The following LRRC63 variants were observed in gnomAD, a reference collection of about 807,000 sequenced individuals.
The protein encoded by LRRC63 is leucine-rich repeat-containing protein 63.
A neutral mutation model predicts 49.5 loss-of-function variants in LRRC63; 40 were observed. The observed-to-expected ratio is 0.81, with a 90% CI of 0.63 to 1.05. LRRC63 has a LOEUF of 1.05. LRRC63 is among the 50% of genes least tolerant of loss of function. LRRC63 has a pLI of 0.00. For synonymous variants in LRRC63, 191 were observed against 221.1 expected (o/e 0.86, Z 1.21); for missense variants, 636 against 663.1 (o/e 0.96, Z 0.45).
chr13:46,252,009 A>G (rs1594078962), intron 7 of LRRC63, among the ~76,000 whole-genome samples: 1 of 151,946 alleles, frequency 6.6e-6, no homozygotes. Context: ...AAAGCGGCAT[A>G]TTTTTATTAA....
chr13:46,247,970 A>G (rs1297621495), intron 6 of LRRC63, among the ~76,000 whole-genome samples: 1 of 152,098 alleles, frequency 6.6e-6, no homozygotes, highest in East Asian at 1.9e-4. Flanking sequence ...GATATGATAT[A>G]TGTAGAAATT....
chr13:46,228,958 C>T (rs543219329), intron 4 of LRRC63, among the ~76,000 whole-genome samples: 37 of 152,090 alleles, frequency 2.4e-4, no homozygotes, highest in South Asian at 1.9e-3. Flanking sequence ...CTGATGCACT[C>T]GTAATCTGGG....
intron 4 of LRRC63, among the ~76,000 whole-genome samples, chr13:46,229,766 T>C (rs1201267569): frequency 6.6e-6 from 1 of 152,108 alleles, no homozygotes; most frequent in Non-Finnish European, 1.5e-5. Flanking sequence ...AGGCCATTCT[T>C]GCATTGCTAT....
At chr13:46,270,916 G>A (rs1265583062) in intron 9 of LRRC63, among the ~76,000 whole-genome samples, 1 of 152,106 alleles carries the variant, frequency 6.6e-6, no homozygotes, top group African/African-American at 2.4e-5. Context: ...AACAAACAAA[G>A]CTCTTCAAAG....
intron 5 of LRRC63, among the ~76,000 whole-genome samples, chr13:46,238,469 T>TA (rs201766247): frequency 0.18 from 27,916 of 151,542 alleles, 3,811 homozygotes; most frequent in African/African-American, 0.39. Context: ...GGGTAATTTA[T>TA]TAAAAAAAAA....
intron 5 of LRRC63, among the ~76,000 whole-genome samples, chr13:46,243,897 C>T (rs1024156583): frequency 2.0e-5 from 3 of 152,094 alleles, no homozygotes; most frequent in Non-Finnish European, 4.4e-5. Context: ...TCTTATATCA[C>T]TAAAAGATGA....
At chr13:46,261,548 A>C (rs1422565425) in intron 7 of LRRC63, among the ~76,000 whole-genome samples, 1 of 152,146 alleles carries the variant, frequency 6.6e-6, no homozygotes, top group Non-Finnish European at 1.5e-5. Flanking sequence ...CTTCATTTCG[A>C]CTTCTGGCGC....
At chr13:46,248,874 T>C (rs934091589) in intron 6 of LRRC63, among the ~76,000 whole-genome samples, 1 of 151,054 alleles carries the variant, frequency 6.6e-6, no homozygotes, top group African/African-American at 2.4e-5. Context: ...TTTTCCAGGA[T>C]AAATCATATG....
intron 2 of LRRC63, among the ~76,000 whole-genome samples, chr13:46,225,592 C>T (rs917838822): frequency 1.3e-5 from 2 of 152,112 alleles, no homozygotes; most frequent in African/African-American, 2.4e-5. Context: ...TCTATTGAAG[C>T]GTTTGCTGTG....
At chr13:46,240,571 G>A (rs1249763718) in intron 5 of LRRC63, among the ~76,000 whole-genome samples, 6 of 152,130 alleles carry the variant, frequency 3.9e-5, no homozygotes, top group African/African-American at 1.4e-4. Flanking sequence ...ATGATCCCAT[G>A]TCTAGAAAAC....
intron 1 of LRRC63, 119 bp from the exon 2 acceptor site, chr13:46,212,883 G>A (rs1352746340): frequency 2.0e-6 from 1 of 504,586 alleles, no homozygotes; most frequent in Admixed American, 3.7e-5. Flanking sequence ...AAGGAATTCT[G>A]CCTGGATTCA....
At chr13:46,227,218 G>T (rs2046601683) in intron 2 of LRRC63, among the ~76,000 whole-genome samples, 1 of 152,170 alleles carries the variant, frequency 6.6e-6, no homozygotes, top group South Asian at 2.1e-4. Flanking sequence ...CAAAAATCTA[G>T]TCTATTATTG....
At chr13:46,276,856 A>ATATATATATATATT (rs2047849459) in exon 10 of LRRC63, 3 of 158,222 alleles carry the variant, frequency 1.9e-5, no homozygotes, top group African/African-American at 3.1e-5. Flanking sequence ...ATATATTTAT[A>ATATATATATATATT]TATATATATA....
intron 9 of LRRC63, among the ~76,000 whole-genome samples, chr13:46,272,278 T>C (rs2047770776): frequency 6.6e-6 from 1 of 152,216 alleles, no homozygotes; most frequent in Admixed American, 6.5e-5. Flanking sequence ...AGGACACTAC[T>C]GTATATCTTC....
chr13:46,230,967 A>T (rs2046737727), intron 4 of LRRC63, among the ~76,000 whole-genome samples: 1 of 152,210 alleles, frequency 6.6e-6, no homozygotes, highest in South Asian at 2.1e-4. Context: ...TAGGACATGA[A>T]TAGAATTTAG....
chr13:46,216,493 C>G (rs2046255171), intron 2 of LRRC63, among the ~76,000 whole-genome samples: 1 of 152,190 alleles, frequency 6.6e-6, no homozygotes, highest in Non-Finnish European at 1.5e-5. Flanking sequence ...GCTGAAGTTG[C>G]TTATCAGCTT....
At chr13:46,251,810 A>G (rs1391914209) in intron 7 of LRRC63, among the ~76,000 whole-genome samples, 4 of 151,934 alleles carry the variant, frequency 2.6e-5, no homozygotes, top group Non-Finnish European at 4.4e-5. Context: ...AATCATAATT[A>G]TACATTTTCA....
At chr13:46,255,178 TTG>T (rs1452436117) in intron 7 of LRRC63, among the ~76,000 whole-genome samples, 2 of 152,210 alleles carry the variant, frequency 1.3e-5, no homozygotes, top group East Asian at 3.9e-4. Context: ...AGGATAAACA[TTG>T]TGTTATTGTG....
intron 2 of LRRC63, among the ~76,000 whole-genome samples, chr13:46,217,481 T>A (rs1194514095): frequency 2.0e-5 from 3 of 152,200 alleles, no homozygotes; most frequent in Non-Finnish European, 1.5e-5. Context: ...TTTTATTGTG[T>A]CTATTTGATT....
Sources: allele counts gnomAD v4.1 joint callset (sites outside exome capture counted in the v4.1 genomes callset), GRCh38; gene constraint gnomAD v4.1.1; transcripts MANE v1.5; gene names NCBI Gene and HGNC (gene_info 2026-07-23, HGNC 2026-07-21).